Variants in RNF217 observed in about 807,000 individuals in gnomAD.
The protein encoded by RNF217 is ring finger protein 217, also known as E3 ubiquitin-protein ligase RNF217.
Under a neutral mutation model 57.8 loss-of-function variants are expected in RNF217, and 31 were observed. The observed-to-expected ratio is 0.54, with a 90% CI of 0.40 to 0.72. The LOEUF is 0.72. Ranked by LOEUF, RNF217 falls within the 30% of genes least tolerant of loss-of-function variation. The pLI, the probability that RNF217 is intolerant of heterozygous loss-of-function variation, is 0.00. For missense variants in RNF217, 696 were observed against 708.3 expected, an observed-to-expected ratio of 0.98 and a Z score of 0.20; for synonymous variants, 313 against 294.0, an observed-to-expected ratio of 1.06 and a Z score of -0.66.
chr6:125,022,776 A>G (rs1785893897), intron 1 of RNF217, among the ~76,000 whole-genome samples: 2 of 152,276 alleles, frequency 1.3e-5, no homozygotes, highest in South Asian at 2.1e-4. Flanking sequence ...AACATACACA[A>G]TCACACTTCC....
chr6:125,074,201 T>C (rs1207299139), intron 3 of RNF217, among the ~76,000 whole-genome samples: 3 of 152,290 alleles, frequency 2.0e-5, no homozygotes, highest in Non-Finnish European at 4.4e-5. Context: ...AGTGCCCGCC[T>C]GTAATATGCT....
At position 124,964,249 on chromosome 6, in the gene RNF217, C is replaced by T. The variant is rs190348256; in HGVS notation, c.882+823C>T. Among the ~76,000 whole-genome samples, 3 of 152,310 alleles carry T rather than the reference C, an allele frequency of 2.0e-5. No individual in the cohort carries two copies. The East Asian group carries it at 5.8e-4, about 29-fold the overall frequency. ...GCACAATCCTGGATGCCCTTTGATC[C>T]TGTGTCCAATTGTCCTAGGCCTATT... On this transcript the variant is annotated intron_variant, in intron 1 of 5. Coordinates refer to ENST00000521654, the MANE Select transcript of RNF217 (RefSeq NM_001286398.3).
At chr6:125,058,648 T>G (rs1047784469) in intron 3 of RNF217, among the ~76,000 whole-genome samples, 3 of 152,190 alleles carry the variant, frequency 2.0e-5, no homozygotes, top group Non-Finnish European at 4.4e-5. Flanking sequence ...TCATCTTTCT[T>G]TTGATAATCA....
At chr6:125,035,271 G>A (rs1343321565) in intron 1 of RNF217, among the ~76,000 whole-genome samples, 17 of 152,010 alleles carry the variant, frequency 1.1e-4, no homozygotes, top group African/African-American at 2.7e-4. Flanking sequence ...TCCCTGTCTT[G>A]TGCCAGTTTT....
At chr6:124,975,919 T>C (rs538186520) in intron 1 of RNF217, among the ~76,000 whole-genome samples, 1 of 152,256 alleles carries the variant, frequency 6.6e-6, no homozygotes, top group East Asian at 1.9e-4. Context: ...CACCTCAAGA[T>C]TTTTAAAAAA....
chr6:125,011,961 G>C (rs576037034), intron 1 of RNF217, among the ~76,000 whole-genome samples: 51 of 151,830 alleles, frequency 3.4e-4, no homozygotes, highest in African/African-American at 1.2e-3. Flanking sequence ...ACCAGGAGGG[G>C]CTGGCCAGAT....
intron 4 of RNF217, among the ~76,000 whole-genome samples, chr6:125,081,061 C>G (rs1244289082): frequency 6.6e-6 from 1 of 152,072 alleles, no homozygotes; most frequent in Non-Finnish European, 1.5e-5. Context: ...CTCCTACCAA[C>G]TCAAAATGTG....
chr6:125,029,868 T>G (rs1786273995), intron 1 of RNF217, among the ~76,000 whole-genome samples: 1 of 152,170 alleles, frequency 6.6e-6, no homozygotes, highest in South Asian at 2.1e-4. Flanking sequence ...GACAGCACTG[T>G]GTAGGGTGGG....
rs1788869020 is a variant in RNF217, at chr6:125,089,412, G to A, written c.*6475G>A. ...GTTTCAGCAAAACGTCCTACAGCTTGGACTTGGGGTGGATTTATATAGTGT... is the reference window on the plus strand; with the variant it reads ...GTTTCAGCAAAACGTCCTACAGCTTAGACTTGGGGTGGATTTATATAGTGT... On this transcript the variant is annotated 3_prime_UTR_variant, in exon 6 of 6. Coordinates refer to ENST00000521654, the MANE Select transcript of RNF217 (RefSeq NM_001286398.3). 6.6e-6 allele frequency: 1 copy of A among 152,140 alleles called. No homozygotes were observed. Among genetic ancestry groups the A allele is most frequent in the African/African-American group, 2.4e-5 (1 of 41,430 alleles). The allele number at this position is 152,140 out of a possible 1,614,324, so 9.4% of individuals were successfully genotyped here.
chr6:125,044,664 GA>G (rs1170337219), intron 1 of RNF217, among the ~76,000 whole-genome samples: 4 of 152,044 alleles, frequency 2.6e-5, no homozygotes. Context: ...TCTTAACACA[GA>G]AGGGTCAGAG....
At position 124,962,975 on chromosome 6, in the gene RNF217, G is replaced by A. The variant is rs543000431; in HGVS notation, c.431G>A (p.Gly144Glu). The change falls in exon 1 of 6, where the codon GGA becomes GAA. Residue 144 changes from glycine (G) to glutamate (E), a missense_variant. By Grantham distance (98) the Gly-to-Glu change is moderately conservative (BLOSUM62 -2). Coordinates refer to ENST00000521654, the MANE Select transcript of RNF217 (RefSeq NM_001286398.3). This position sits in a 1 kb window ranked among gnomAD's most constrained non-coding sequence, Gnocchi z 4.6. ...AGGACCCGCGTGGGGGCCGCCGACG[G>A]ACTGGTCCTGGACGTGCTGGGTCAG... is the stretch of plus-strand genomic sequence containing the variant. ...EPRTRVGAAD[G>E]LVLDVLGQRR... The A allele has an allele frequency of 1.3e-6, 2 of 1,597,206 alleles. No individual in the cohort carries two copies. The highest frequency in any genetic ancestry group is 1.1e-5 in the South Asian group (1 of 90,936).
chr6:125,077,434 A>G (rs1020888729), intron 4 of RNF217, among the ~76,000 whole-genome samples: 2 of 152,188 alleles, frequency 1.3e-5, no homozygotes, highest in Non-Finnish European at 2.9e-5. Context: ...AAGTTTAATT[A>G]TCCAAGTGAA....
chr6:124,963,006 C>T lies in RNF217; in HGVS notation c.462C>T (p.Arg154=). The T allele has an allele frequency of 6.3e-7, 1 of 1,595,802 alleles. No homozygotes were observed. Among genetic ancestry groups the T allele is most frequent in the Non-Finnish European group, 8.5e-7 (1 of 1,178,768 alleles). Residue 154 remains arginine (R), a synonymous_variant, in exon 1 of 6, where the codon CGC becomes CGT. Coordinates refer to ENST00000521654, the MANE Select transcript of RNF217 (RefSeq NM_001286398.3). ...TCCTGGACGTGCTGGGTCAGCGGCG[C>T]CCGTCCCTCGCCAAGAGACAAGTCT... ...GLVLDVLGQR[R]PSLAKRQVFC...
intron 3 of RNF217, among the ~76,000 whole-genome samples, chr6:125,058,476 G>A (rs1001976428): frequency 6.6e-6 from 1 of 152,060 alleles, no homozygotes; most frequent in Non-Finnish European, 1.5e-5. Context: ...AATTATATAG[G>A]CTTTGAATCC....
chr6:125,053,674 A>G (rs147726791), intron 2 of RNF217, among the ~76,000 whole-genome samples: 165 of 152,154 alleles, frequency 1.1e-3, no homozygotes, highest in Admixed American at 2.0e-3. Context: ...AGAAAATGCC[A>G]TTTTCTTAGG....
intron 1 of RNF217, among the ~76,000 whole-genome samples, chr6:125,026,395 T>C (rs538614848): frequency 2.0e-4 from 30 of 152,260 alleles, no homozygotes; most frequent in African/African-American, 6.5e-4. Flanking sequence ...GGAAAATGCT[T>C]AGAATAGTGC....
At chr6:125,082,586 G>T (rs1178501604) in intron 5 of RNF217, 1 of 1,600,486 alleles carries the variant, frequency 6.2e-7, no homozygotes, top group East Asian at 2.2e-5. Context: ...GTGTGCAAAT[G>T]ATATGACTGT....
At chr6:125,014,697 A>G (rs1299454975) in intron 1 of RNF217, among the ~76,000 whole-genome samples, 1 of 152,228 alleles carries the variant, frequency 6.6e-6, no homozygotes, top group East Asian at 1.9e-4. Flanking sequence ...TGATAGTATG[A>G]AAACTTCCTT....
chr6:125,008,756 T>TA (rs55705569), intron 1 of RNF217: 5 of 151,312 alleles, frequency 3.3e-5, no homozygotes, highest in African/African-American at 4.9e-5. Context: ...TTTTTTTTTT[T>TA]AACCCTGTAG....
Sources: allele counts gnomAD v4.1 joint callset (sites outside exome capture counted in the v4.1 genomes callset), GRCh38; gene constraint gnomAD v4.1.1; non-coding constraint Gnocchi (gnomAD v3.1); transcripts MANE v1.5; gene names NCBI Gene and HGNC (gene_info 2026-07-23, HGNC 2026-07-21).